The following ABCA12 variants were observed in gnomAD, a reference collection of about 807,000 sequenced individuals.
The protein encoded by ABCA12 is glucosylceramide transporter ABCA12.
In ABCA12, 156 loss-of-function variants were observed where a neutral mutation model predicts 293.5. The observed-to-expected ratio is 0.53, with a 90% CI of 0.47 to 0.61. ABCA12 has a LOEUF of 0.61. Ranked by LOEUF, ABCA12 falls within the 20% of genes least tolerant of loss-of-function variation. ABCA12 has a pLI of 0.00. For synonymous variants in ABCA12, 1,063 were observed against 1,108.0 expected, an observed-to-expected ratio of 0.96 and a Z score of 0.81; for missense variants, 2,797 against 3,090.2, an observed-to-expected ratio of 0.91 and a Z score of 2.25.
chr2:215,077,970 C>A (rs375662989), intron 2 of ABCA12, among the ~76,000 whole-genome samples: 39 of 152,266 alleles, frequency 2.6e-4, no homozygotes, highest in African/African-American at 9.1e-4. Context: ...TCAGTCAATC[C>A]TTTCAAGGAA....
chr2:215,007,926 G>A, intron 18 of ABCA12, 80 bp from the exon 19 acceptor site: 1 of 1,559,250 alleles, frequency 6.4e-7, no homozygotes, highest in Non-Finnish European at 8.8e-7. Context: ...AGATTGTTTT[G>A]TTACGTAACT....
At chr2:215,114,896 C>A (rs971091801) in intron 1 of ABCA12, among the ~76,000 whole-genome samples, 3 of 152,078 alleles carry the variant, frequency 2.0e-5, no homozygotes, top group Non-Finnish European at 2.9e-5. Flanking sequence ...AACTTCTATT[C>A]ATTTTCTATG....
Position 215,052,474 on chromosome 2 carries a change from T to A in ABCA12, c.507+13A>T. On this transcript the variant is annotated intron_variant, in intron 5 of 52. Transcript: ENST00000272895. ...TGAATCACTCTACCCATTACAAAAT[T>A]GAATCAAGTTACCTTTTCCAAGCCA... 6.2e-7 allele frequency: 1 copy of A among 1,607,174 alleles called. No homozygotes were observed. The highest frequency in any genetic ancestry group is 1.3e-5 in the African/African-American group (1 of 74,840).
chr2:214,966,238 C>T lies in ABCA12; in HGVS notation c.5884+610G>A, dbSNP rs115678160. 1.5e-3 allele frequency among the ~76,000 whole-genome samples: 222 copies of T among 152,100 alleles called. 1 individual carries two copies. Among genetic ancestry groups the T allele is most frequent in the African/African-American group, 5.1e-3 (210 of 41,504 alleles). ...CAACACACACTGGGGCCTGTCAGAG[C>T]GCAGAGGATGGAAGGAGGGAGAGCA... is the stretch of plus-strand genomic sequence containing the variant. On this transcript the variant is annotated intron_variant, in intron 39 of 52. Coordinates refer to ENST00000272895, the MANE Select transcript of ABCA12 (RefSeq NM_173076.3).
Position 214,989,381 on chromosome 2 carries a change from A to T in ABCA12, c.3777T>A (p.Ala1259=). The T allele has an allele frequency of 6.2e-7, 1 of 1,613,740 alleles. No individual in the cohort carries two copies. Among genetic ancestry groups the T allele is most frequent in the Non-Finnish European group, 8.5e-7 (1 of 1,179,940 alleles). The change falls in exon 26 of 53, where the codon GCT becomes GCA. Residue 1259 remains alanine (A), a synonymous_variant. Coordinates refer to ENST00000272895, the MANE Select transcript of ABCA12 (RefSeq NM_173076.3). The part of the protein sequence containing the change: ...SFGWLCCLIL[A]DSFIYFLIAW... ...CAATAAGGAAATAAATGAAAGAGTC[A>T]GCTAGGATTAGACAGCACAGCCAGC...
At chr2:215,004,888 T>C (rs944347369) in intron 19 of ABCA12, 1 of 152,242 alleles carries the variant, frequency 6.6e-6, no homozygotes, top group African/African-American at 2.4e-5. Context: ...AGTGCAACTA[T>C]GTGAATATGA....
chr2:215,048,540 CAA>C (rs61442339), intron 6 of ABCA12, among the ~76,000 whole-genome samples: 8,891 of 143,978 alleles, frequency 0.062, 869 homozygotes, highest in African/African-American at 0.21. Flanking sequence ...ACTAATAATA[CAA>C]AAAAAAAAAA....
chr2:214,972,911 T>C (rs761968323), intron 36 of ABCA12, among the ~76,000 whole-genome samples: 9 of 152,100 alleles, frequency 5.9e-5, no homozygotes, highest in Non-Finnish European at 1.0e-4. Context: ...CTCCCAAGGC[T>C]CAAGCTATCC....
intron 2 of ABCA12, among the ~76,000 whole-genome samples, 163 bp from the exon 3 acceptor site, chr2:215,064,382 G>A (rs1229970976): frequency 6.6e-6 from 1 of 151,956 alleles, no homozygotes; most frequent in African/African-American, 2.4e-5. Flanking sequence ...CTGAGTAGGA[G>A]CAGTCTTGGA....
Position 215,007,855 on chromosome 2 carries a change from CAAA to C in ABCA12, c.2473-12_2473-10del. On this transcript the variant is annotated splice_polypyrimidine_tract_variant and intron_variant, in intron 18 of 52. Coordinates refer to ENST00000272895, the MANE Select transcript of ABCA12 (RefSeq NM_173076.3). ...CTCAGAGTTACATTGGACTTAATGACAAAGAAACAAAAGAAGTGTGATCCATTA... is the reference window on the plus strand; with the variant it reads ...CTCAGAGTTACATTGGACTTAATGACGAAACAAAAGAAGTGTGATCCATTA... 14 of 1,613,630 alleles carry C rather than the reference CAAA, an allele frequency of 8.7e-6. No homozygotes were observed. The highest frequency in any genetic ancestry group is 1.2e-5 in the Non-Finnish European group (14 of 1,179,796).
Position 215,064,082 on chromosome 2 carries a change from C to G in ABCA12, c.301G>C (p.Ala101Pro). 3 of 1,612,772 alleles carry G rather than the reference C, an allele frequency of 1.9e-6. No individual in the cohort carries two copies. Among genetic ancestry groups the G allele is most frequent in the Non-Finnish European group, 2.5e-6 (3 of 1,179,086 alleles). Residue 101 changes from alanine (A) to proline (P), a missense_variant, in exon 3 of 53, where the codon GCA becomes CCA. Coordinates refer to ENST00000272895, the MANE Select transcript of ABCA12 (RefSeq NM_173076.3). ...DLLRRKGIDD[A>P]LFKDSEILRK... Reference sequence around the variant, plus strand: ...TGCCCCCACCTGTCTTTAAATAGTGCATCATCAATTCCTTTCCTACGAAGC... The same window carrying G: ...TGCCCCCACCTGTCTTTAAATAGTGGATCATCAATTCCTTTCCTACGAAGC...
chr2:215,115,409 G>A (rs1305353631), intron 1 of ABCA12, among the ~76,000 whole-genome samples: 1 of 152,184 alleles, frequency 6.6e-6, no homozygotes. Context: ...GCGGTGTCAA[G>A]GATTCAAACT....
chr2:214,999,918 G>A (rs923918693), intron 22 of ABCA12: 2 of 669,074 alleles, frequency 3.0e-6, no homozygotes, highest in Non-Finnish European at 1.8e-6. Flanking sequence ...AATACCATCT[G>A]AATTGTATAT....
chr2:215,079,663 C>G (rs1701899001), intron 2 of ABCA12, among the ~76,000 whole-genome samples: 1 of 152,160 alleles, frequency 6.6e-6, no homozygotes, highest in African/African-American at 2.4e-5. Context: ...GAGCTGCCAG[C>G]TTTTGCTTAT....
At chr2:215,035,031 G>A (rs1328092419) in intron 8 of ABCA12, among the ~76,000 whole-genome samples, 1 of 152,134 alleles carries the variant, frequency 6.6e-6, no homozygotes, top group Non-Finnish European at 1.5e-5. Context: ...GGTGGCCTGG[G>A]TTACGGGGCA....
rs144510330 is a variant in ABCA12, at chr2:215,021,827, T to TA, written c.1288-2032dup. ...AATGTTGGTCATCTTAGATAGTAAATATCATTGGTCTATTTTCCATTGTAC... is the reference window on the plus strand; with the variant it reads ...AATGTTGGTCATCTTAGATAGTAAATAATCATTGGTCTATTTTCCATTGTAC... On this transcript the variant is annotated intron_variant, in intron 11 of 52. Coordinates refer to ENST00000272895, the MANE Select transcript of ABCA12 (RefSeq NM_173076.3). Among the ~76,000 whole-genome samples the TA allele has an allele frequency of 2.1e-3, 325 of 152,326 alleles. 2 individuals are homozygous for TA. In the East Asian group the frequency reaches 0.035, roughly 16 times the overall value.
intron 2 of ABCA12, among the ~76,000 whole-genome samples, chr2:215,087,670 T>C (rs1188515690): frequency 6.6e-6 from 1 of 152,098 alleles, no homozygotes; most frequent in Non-Finnish European, 1.5e-5. Flanking sequence ...CTAATACAAC[T>C]TGGTGGCAGA....
intron 2 of ABCA12, among the ~76,000 whole-genome samples, chr2:215,076,419 C>CT (rs963169470): frequency 3.3e-4 from 50 of 151,936 alleles, no homozygotes; most frequent in African/African-American, 8.9e-4. Context: ...AGAAAAAGTT[C>CT]TTTTTTTTCT....
chr2:215,021,423 C>T (rs1269153757), intron 11 of ABCA12, among the ~76,000 whole-genome samples: 1 of 152,154 alleles, frequency 6.6e-6, no homozygotes, highest in African/African-American at 2.4e-5. Context: ...AAATAATTTC[C>T]TATCCTGTCA....
Sources: gnomAD v4.1 joint callset for allele counts (sites outside exome capture counted in the v4.1 genomes callset) on GRCh38, gnomAD v4.1.1 for gene constraint, MANE v1.5 for transcripts, NCBI Gene and HGNC (gene_info 2026-07-23, HGNC 2026-07-21) for gene names.